ANKRD9: variants seen among roughly 807,000 people sequenced by gnomAD.
ANKRD9 encodes ankyrin repeat domain 9.
Under a neutral mutation model 19.2 loss-of-function variants are expected in ANKRD9, and 13 were observed. The ratio of observed to expected loss-of-function variants is 0.68; its 90% CI spans 0.44 to 1.08. The LOEUF is 1.08. Ranked by LOEUF, ANKRD9 falls within the 50% of genes least tolerant of loss-of-function variation. The pLI is 0.00. For synonymous variants in ANKRD9, 278 were observed against 256.8 expected, an observed-to-expected ratio of 1.08 and a Z score of -0.79; for missense variants, 518 against 499.9, an observed-to-expected ratio of 1.04 and a Z score of -0.34.
At position 102,503,818 on chromosome 14, in the gene ANKRD9, C is replaced by T. The variant is rs1461924460; in HGVS notation, c.*3118G>A. 6.6e-6 allele frequency: 1 copy of T among 152,200 alleles called. No homozygotes were observed. Among genetic ancestry groups the T allele is most frequent in the Non-Finnish European group, 1.5e-5 (1 of 68,044 alleles). The allele number at this position is 152,200 out of a possible 1,614,324, so 9.4% of individuals were successfully genotyped here. A position where few individuals can be genotyped will look rare whatever the true frequency, so the allele number is the denominator to read the frequency against. Reference sequence around the variant, plus strand: ...CTTCTGTGACTAAACTTGTTTTCCGCCCTCCCAACTTCCAGGAAGAACCTT... The same window carrying T: ...CTTCTGTGACTAAACTTGTTTTCCGTCCTCCCAACTTCCAGGAAGAACCTT... On this transcript the variant is annotated 3_prime_UTR_variant, in exon 4 of 4. Transcript: ENST00000286918.
In ANKRD9 at chr14:102,506,732, G is replaced by T. The variant is rs929474244; in HGVS notation, c.*204C>A. 6.4e-6 allele frequency: 4 copies of T among 625,994 alleles called. No individual in the cohort carries two copies. Among genetic ancestry groups the T allele is most frequent in the Non-Finnish European group, 9.3e-6 (4 of 428,970 alleles). The allele number at this position is 625,994 out of a possible 1,614,324, so 38.8% of individuals were successfully genotyped here. On this transcript the variant is annotated 3_prime_UTR_variant, in exon 4 of 4. Coordinates refer to ENST00000286918, the MANE Select transcript of ANKRD9 (RefSeq NM_152326.4). ...TTAGTCCTCACTCCCTTCAGGGGCT[G>T]GACAGCGAGCTGAAGGCCCGAGCCC...
rs1891573309 is a variant in ANKRD9, at chr14:102,505,790, T to C, written c.*1146A>G. 6.6e-6 allele frequency: 1 copy of C among 152,324 alleles called. No homozygotes were observed. The highest frequency in any genetic ancestry group is 2.4e-5 in the African/African-American group (1 of 41,414). 9.4% of individuals were successfully genotyped at this position (152,324 alleles called of 1,614,324 possible). On this transcript the variant is annotated 3_prime_UTR_variant, in exon 4 of 4. Coordinates refer to ENST00000286918, the MANE Select transcript of ANKRD9 (RefSeq NM_152326.4). ...CCAGGTGTGCTCCCCCCAGGCACGCTGGGGGCAGGGTGGGCAGCAGGTGCC... is the reference window on the plus strand; with the variant it reads ...CCAGGTGTGCTCCCCCCAGGCACGCCGGGGGCAGGGTGGGCAGCAGGTGCC...
Position 102,509,720 on chromosome 14 carries a change from G to C in ANKRD9, c.-526C>G, listed in dbSNP as rs1891735335. ...ATCGCAGGGCGGCGGTGCCGTCGCC[G>C]GCGGCGGGCGGCGGGCGGCGGGCGG... On this transcript the variant is annotated 5_prime_UTR_variant, in exon 1 of 4. Coordinates refer to ENST00000286918, the MANE Select transcript of ANKRD9 (RefSeq NM_152326.4). 1 of 129,220 alleles carries C rather than the reference G, an allele frequency of 7.7e-6. No homozygotes were observed. The highest frequency in any genetic ancestry group is 2.8e-5 in the African/African-American group (1 of 36,074). The allele number at this position is 129,220 out of a possible 1,614,324, so 8.0% of individuals were successfully genotyped here.
chr14:102,507,050 C>T lies in ANKRD9; in HGVS notation c.840G>A (p.Ala280=), dbSNP rs772799165. 6.4e-7 allele frequency: 1 copy of T among 1,570,398 alleles called. No homozygotes were observed. The highest frequency in any genetic ancestry group is 2.4e-5 in the East Asian group (1 of 42,380). The change falls in exon 4 of 4, where the codon GCG becomes GCA. Residue 280 remains alanine (A), a synonymous_variant. Coordinates refer to ENST00000286918, the MANE Select transcript of ANKRD9 (RefSeq NM_152326.4). This position sits in a 1 kb window ranked among gnomAD's most constrained non-coding sequence, Gnocchi z 9.2. ...LAGLAPPSLF[A]RAMQVLVTAI... is the part of the protein sequence containing the mutation. Reference sequence around the variant, plus strand: ...CGGTGACCAGCACCTGCATGGCGCGCGCGAAGAGCGAGGGCGGCGCCAGGC... The same window carrying T: ...CGGTGACCAGCACCTGCATGGCGCGTGCGAAGAGCGAGGGCGGCGCCAGGC...
rs1235946706 is a variant in ANKRD9, at chr14:102,502,158, C to T, written c.*4778G>A. On this transcript the variant is annotated 3_prime_UTR_variant, in exon 4 of 4. Coordinates refer to ENST00000286918, the MANE Select transcript of ANKRD9 (RefSeq NM_152326.4). The stretch of plus-strand genomic sequence containing the variant: ...AGGAAGCGGAGGCGCAGGACCTCAC[C>T]GCGCCAGCGTGAAGTTCCCGGGCAT... The T allele has an allele frequency of 6.6e-6, 1 of 151,628 alleles. No individual in the cohort carries two copies. The highest frequency in any genetic ancestry group is 2.4e-5 in the African/African-American group (1 of 41,374). 9.4% of individuals were successfully genotyped at this position (151,628 alleles called of 1,614,324 possible). A position where few individuals can be genotyped will look rare whatever the true frequency, so the allele number is the denominator to read the frequency against.
At position 102,508,927 on chromosome 14, in the gene ANKRD9, TAG is replaced by T. The variant is rs2139816510; in HGVS notation, c.-334-83_-334-82del. The stretch of plus-strand genomic sequence containing the variant: ...CCCCCAACCCACAGGCAATCGAGCT[TAG>T]GCCCTGACCCTGCCCTCTGAGTCCC... On this transcript the variant is annotated intron_variant, in intron 1 of 3. Coordinates refer to ENST00000286918, the MANE Select transcript of ANKRD9 (RefSeq NM_152326.4). The surrounding 1 kb of genome is among the most constrained non-coding windows in gnomAD (Gnocchi z 6.2). The T allele has an allele frequency of 6.6e-6, 1 of 152,292 alleles. No homozygotes were observed. Among genetic ancestry groups the T allele is most frequent in the African/African-American group, 2.4e-5 (1 of 41,512 alleles). 9.4% of individuals were successfully genotyped at this position (152,292 alleles called of 1,614,324 possible).
Position 102,507,415 on chromosome 14 carries a change from C to T in ANKRD9, c.475G>A (p.Gly159Ser), listed in dbSNP as rs545545019. The T allele has an allele frequency of 7.3e-7, 1 of 1,366,510 alleles. No homozygotes were observed. The highest frequency in any genetic ancestry group is 3.2e-5 in the Admixed American group (1 of 31,224). 84.6% of individuals were successfully genotyped at this position (1,366,510 alleles called of 1,614,324 possible). Reference protein sequence around the residue: ...DRRGCSRVEGGGTSLHVACEL... With the variant: ...DRRGCSRVEGSGTSLHVACEL... ...CAGGCCACGTGCAGCGACGTGCCACCGCCCTCCACGCGGCTGCAGCCACGC... is the reference window on the plus strand; with the variant it reads ...CAGGCCACGTGCAGCGACGTGCCACTGCCCTCCACGCGGCTGCAGCCACGC... Residue 159 changes from glycine to serine, a missense_variant, in exon 4 of 4, where the codon GGT (glycine) becomes AGT (serine). Coordinates refer to ENST00000286918, the MANE Select transcript of ANKRD9 (RefSeq NM_152326.4). This position sits in a 1 kb window ranked among gnomAD's most constrained non-coding sequence, Gnocchi z 9.2.
rs1891474384 is a variant in ANKRD9, at chr14:102,502,705, A to G, written c.*4231T>C. 1 of 152,216 alleles carries G rather than the reference A, an allele frequency of 6.6e-6. No homozygotes were observed. Among genetic ancestry groups the G allele is most frequent in the Non-Finnish European group, 1.5e-5 (1 of 68,054 alleles). The allele number at this position is 152,216 out of a possible 1,614,324, so 9.4% of individuals were successfully genotyped here. The stretch of plus-strand genomic sequence containing the variant: ...TATATCTGCACAGAAAAAAGCTGAA[A>G]GAAACATATGCCAGAATGCTAGCAG... On this transcript the variant is annotated 3_prime_UTR_variant, in exon 4 of 4. Transcript: ENST00000286918.
Position 102,507,712 on chromosome 14 carries a change from G to A in ANKRD9, c.178C>T (p.His60Tyr). The A allele has an allele frequency of 6.5e-7, 1 of 1,539,896 alleles. No homozygotes were observed. The highest frequency in any genetic ancestry group is 8.7e-7 in the Non-Finnish European group (1 of 1,148,868). Residue 60 changes from histidine to tyrosine, a missense_variant, in exon 4 of 4, where the codon CAC becomes TAC. His to Tyr is a moderately conservative substitution (Grantham distance 83). Transcript: ENST00000286918. The surrounding 1 kb of genome is among the most constrained non-coding windows in gnomAD (Gnocchi z 9.2). ...LEDMRASEAF[H>Y]WDERGRAAAY... ...GCGGCGCGCCCGCGCTCGTCCCAGT[G>A]GAAGGCCTCGCTGGCGCGCATATCC... is the stretch of plus-strand genomic sequence containing the variant.
In ANKRD9 at chr14:102,508,050, T is replaced by C; in HGVS notation, c.-53-108A>G. ...CTCCGGTCCTGGCCCACCAGGCCTG[T>C]ACCTACCTCCAGCCTCGGCCAGGCC... On this transcript the variant is annotated intron_variant, in intron 3 of 3. Transcript: ENST00000286918. This position sits in a 1 kb window ranked among gnomAD's most constrained non-coding sequence, Gnocchi z 6.2. 1.3e-6 allele frequency: 1 copy of C among 771,284 alleles called. No homozygotes were observed. The highest frequency in any genetic ancestry group is 1.6e-6 in the Non-Finnish European group (1 of 616,370). The allele number at this position is 771,284 out of a possible 1,614,324, so 47.8% of individuals were successfully genotyped here.
In ANKRD9 at chr14:102,501,877, A is replaced by C. The variant is rs1891443679; in HGVS notation, c.*5059T>G. 6.6e-6 allele frequency: 1 copy of C among 152,262 alleles called. No homozygotes were observed. The highest frequency in any genetic ancestry group is 1.5e-5 in the Non-Finnish European group (1 of 68,060). 9.4% of individuals were successfully genotyped at this position (152,262 alleles called of 1,614,324 possible). A position where few individuals can be genotyped will look rare whatever the true frequency, so the allele number is the denominator to read the frequency against. Reference sequence around the variant, plus strand: ...TGGCCCAAACCCCCAGCACCCCGGAAGCAGAGGTGAGATGGGAGCAGCTTG... The same window carrying C: ...TGGCCCAAACCCCCAGCACCCCGGACGCAGAGGTGAGATGGGAGCAGCTTG... On this transcript the variant is annotated 3_prime_UTR_variant, in exon 4 of 4. Coordinates refer to ENST00000286918, the MANE Select transcript of ANKRD9 (RefSeq NM_152326.4).
rs1469390561 is a variant in ANKRD9 at position 102,506,798 on chromosome 14, C to A, written c.*138G>T. ...ACCTGCCACTTGGAACTCACCTGAC[C>A]ATCCAAGCCCAGCCCCCAGTGCATG... On this transcript the variant is annotated 3_prime_UTR_variant, in exon 4 of 4. Transcript: ENST00000286918. 1.7e-6 allele frequency: 2 copies of A among 1,204,778 alleles called. No homozygotes were observed. The highest frequency in any genetic ancestry group is 2.1e-6 in the Non-Finnish European group (2 of 953,990). 74.6% of individuals were successfully genotyped at this position (1,204,778 alleles called of 1,614,324 possible).
Position 102,507,402 on chromosome 14 carries a change from A to T in ANKRD9, c.488T>A (p.Leu163Gln). 7.4e-7 allele frequency: 1 copy of T among 1,353,282 alleles called. No individual in the cohort carries two copies. Among genetic ancestry groups the T allele is most frequent in the Non-Finnish European group, 9.5e-7 (1 of 1,050,354 alleles). 83.8% of individuals were successfully genotyped at this position (1,353,282 alleles called of 1,614,324 possible). A position where few individuals can be genotyped will look rare whatever the true frequency, so the allele number is the denominator to read the frequency against. The stretch of plus-strand genomic sequence containing the variant: ...GCGCGCCAGCTCACAGGCCACGTGC[A>T]GCGACGTGCCACCGCCCTCCACGCG... ...CSRVEGGGTSLHVACELARPE... is the reference protein window; with the variant it reads ...CSRVEGGGTSQHVACELARPE... Residue 163 changes from leucine (L) to glutamine (Q), a missense_variant, in exon 4 of 4, where the codon CTG becomes CAG. Coordinates refer to ENST00000286918, the MANE Select transcript of ANKRD9 (RefSeq NM_152326.4). This position sits in a 1 kb window ranked among gnomAD's most constrained non-coding sequence, Gnocchi z 9.2.
In ANKRD9 at chr14:102,506,968, G is replaced by A. The variant is rs1891607905; in HGVS notation, c.922C>T (p.Leu308=). ...TTGCCAGTGAGGTCCAACGGCTGCA[G>A]GAATGGGGGCAGCGGCAGCTCGTCC... ...ALDELPLPPF[L]QPLDLTGKG Residue 308 remains leucine (L), a synonymous_variant, in exon 4 of 4, where the codon CTG becomes TTG. Coordinates refer to ENST00000286918, the MANE Select transcript of ANKRD9 (RefSeq NM_152326.4). The A allele has an allele frequency of 6.4e-7, 1 of 1,561,222 alleles. No individual in the cohort carries two copies.
At position 102,506,857 on chromosome 14, in the gene ANKRD9, A is replaced by C. The variant is rs2139813451; in HGVS notation, c.*79T>G. ...GAGGCAGAGATTGTGCCGTACAGAG[A>C]TCAATATATATAAAGTGCCGGTACA... On this transcript the variant is annotated 3_prime_UTR_variant, in exon 4 of 4. Coordinates refer to ENST00000286918, the MANE Select transcript of ANKRD9 (RefSeq NM_152326.4). The C allele has an allele frequency of 1.5e-6, 2 of 1,359,172 alleles. No homozygotes were observed. Among genetic ancestry groups the C allele is most frequent in the South Asian group, 3.7e-5 (2 of 54,578 alleles). 84.2% of individuals were successfully genotyped at this position (1,359,172 alleles called of 1,614,324 possible). A position where few individuals can be genotyped will look rare whatever the true frequency, so the allele number is the denominator to read the frequency against.
Position 102,507,454 on chromosome 14 carries a change from G to C in ANKRD9, c.436C>G (p.Arg146Gly). The C allele has an allele frequency of 7.2e-7, 1 of 1,396,116 alleles. No homozygotes were observed. Among genetic ancestry groups the C allele is most frequent in the South Asian group, 1.3e-5 (1 of 74,486 alleles). The allele number at this position is 1,396,116 out of a possible 1,614,324, so 86.5% of individuals were successfully genotyped here. A position where few individuals can be genotyped will look rare whatever the true frequency, so the allele number is the denominator to read the frequency against. Residue 146 changes from arginine to glycine, a missense_variant, in exon 4 of 4, where the codon CGC (arginine) becomes GGC (glycine). Physicochemically the swap from Arg to Gly is moderately radical, Grantham distance 125 (BLOSUM62 -2). Coordinates refer to ENST00000286918, the MANE Select transcript of ANKRD9 (RefSeq NM_152326.4). The surrounding 1 kb of genome is among the most constrained non-coding windows in gnomAD (Gnocchi z 9.2). The stretch of plus-strand genomic sequence containing the variant: ...CTGCAGCCACGCCGGTCCAGCACGC[G>C]CGCCCGCTCCTCGGCCGGGAAGTCG... ...LRDFPAEERA[R>G]VLDRRGCSRV...
At position 102,502,171 on chromosome 14, in the gene ANKRD9, A is replaced by T. The variant is rs532859247; in HGVS notation, c.*4765T>A. ...GCAGGACCTCACCGCGCCAGCGTGAAGTTCCCGGGCATGGTCATGAAAGCG... is the reference window on the plus strand; with the variant it reads ...GCAGGACCTCACCGCGCCAGCGTGATGTTCCCGGGCATGGTCATGAAAGCG... On this transcript the variant is annotated 3_prime_UTR_variant, in exon 4 of 4. Coordinates refer to ENST00000286918, the MANE Select transcript of ANKRD9 (RefSeq NM_152326.4). 2 of 152,316 alleles carry T rather than the reference A, an allele frequency of 1.3e-5. No individual in the cohort carries two copies. The highest frequency in any genetic ancestry group is 2.9e-5 in the Non-Finnish European group (2 of 68,044). 9.4% of individuals were successfully genotyped at this position (152,316 alleles called of 1,614,324 possible).
rs1285965028 is a variant in ANKRD9, at chr14:102,507,677, C to T, written c.213G>A (p.Ser71=). 3 of 1,556,238 alleles carry T rather than the reference C, an allele frequency of 1.9e-6. No individual in the cohort carries two copies. In the East Asian group the frequency reaches 7.2e-5, roughly 37 times the overall value. ...GCGCGTAGAGCAGCGCCTCAGAGGG[C>T]GAGTAGGCGGCGGCGCGCCCGCGCT... ...WDERGRAAAY[S]PSEALLYALV... The change falls in exon 4 of 4, where the codon TCG becomes TCA. Residue 71 remains serine, a synonymous_variant. Transcript: ENST00000286918. The surrounding 1 kb of genome is among the most constrained non-coding windows in gnomAD (Gnocchi z 9.2).
chr14:102,506,713 C>T lies in ANKRD9; in HGVS notation c.*223G>A, dbSNP rs566904490. ...TCTAGATCAAGGTGGGAGGTTAGTC[C>T]TCACTCCCTTCAGGGGCTGGACAGC... is the stretch of plus-strand genomic sequence containing the variant. On this transcript the variant is annotated 3_prime_UTR_variant, in exon 4 of 4. Coordinates refer to ENST00000286918, the MANE Select transcript of ANKRD9 (RefSeq NM_152326.4). The T allele has an allele frequency of 1.3e-5, 7 of 523,752 alleles. No homozygotes were observed. Among genetic ancestry groups the T allele is most frequent in the African/African-American group, 7.9e-5 (4 of 50,710 alleles). The allele number at this position is 523,752 out of a possible 1,614,324, so 32.4% of individuals were successfully genotyped here.
Sources: gnomAD v4.1 joint callset for allele counts on GRCh38, gnomAD v4.1.1 for gene constraint, Gnocchi (gnomAD v3.1) non-coding constraint, MANE v1.5 for transcripts, NCBI Gene and HGNC (gene_info 2026-07-23, HGNC 2026-07-21) for gene names.